The following NEDD9 variants were observed in gnomAD, a reference collection of about 807,000 sequenced individuals.
NEDD9 encodes enhancer of filamentation 1.
NEDD9 carries 26 observed loss-of-function variants against 76.6 expected under a neutral mutation model. That is an observed-to-expected ratio of 0.34 (90% CI 0.25 to 0.47). The LOEUF is 0.47. NEDD9 is among the 20% of genes least tolerant of loss of function. The pLI is 1.00. For synonymous variants in NEDD9, 392 were observed against 414.2 expected, an observed-to-expected ratio of 0.95 and a Z score of 0.65; for missense variants, 937 against 1,058.5, an observed-to-expected ratio of 0.89 and a Z score of 1.59.
intron 1 of NEDD9, among the ~76,000 whole-genome samples, chr6:11,359,366 G>T (rs936385687): frequency 1.7e-4 from 26 of 152,222 alleles, no homozygotes; most frequent in African/African-American, 5.5e-4. Flanking sequence ...TGCCATATTT[G>T]GATTTCTCTG....
intron 1 of NEDD9, among the ~76,000 whole-genome samples, chr6:11,379,248 T>C (rs1763020921): frequency 6.6e-6 from 1 of 151,340 alleles, no homozygotes. Flanking sequence ...GTTTGCCATA[T>C]TCTGTGTGCT....
intron 1 of NEDD9, among the ~76,000 whole-genome samples, chr6:11,344,355 G>A (rs1762328215): frequency 6.6e-6 from 1 of 152,174 alleles, no homozygotes; most frequent in African/African-American, 2.4e-5. Flanking sequence ...GGAGAAAGAG[G>A]GCACCTTCAA....
At chr6:11,289,002 G>A (rs1760707676) in intron 3 of NEDD9, among the ~76,000 whole-genome samples, 1 of 152,218 alleles carries the variant, frequency 6.6e-6, no homozygotes, top group Non-Finnish European at 1.5e-5. Context: ...TTATGTCCAA[G>A]TCCTTTGGAG....
intron 2 of NEDD9, among the ~76,000 whole-genome samples, chr6:11,329,052 A>C (rs562162760): frequency 4.3e-4 from 66 of 152,332 alleles, no homozygotes; most frequent in Non-Finnish European, 8.2e-4. Flanking sequence ...ATGGTGAGGC[A>C]CAAGCATGAC....
chr6:11,189,869 C>G (rs1758086277), intron 5 of NEDD9, 95 bp downstream of exon 5: 5 of 1,408,628 alleles, frequency 3.5e-6, no homozygotes, highest in South Asian at 3.0e-5. Flanking sequence ...TATGTTCTCT[C>G]CTTTGGCAGT....
intron 2 of NEDD9, among the ~76,000 whole-genome samples, chr6:11,319,526 TCACACTAACATGCGGACA>T (rs1417881704): frequency 2.5e-5 from 3 of 118,814 alleles, no homozygotes; most frequent in Admixed American, 2.0e-4. Context: ...ACATGCACAC[TCACACTAACATGCGGACA>T]CACACTAACA....
chr6:11,343,315 G>A (rs769970237), intron 1 of NEDD9, among the ~76,000 whole-genome samples: 71 of 152,038 alleles, frequency 4.7e-4, no homozygotes, highest in Non-Finnish European at 7.2e-4. Flanking sequence ...TGTAATCCCA[G>A]CTACTCAGGA....
At chr6:11,299,406 AT>A (rs1760983420) in intron 3 of NEDD9, among the ~76,000 whole-genome samples, 1 of 152,242 alleles carries the variant, frequency 6.6e-6, no homozygotes, top group Non-Finnish European at 1.5e-5. Context: ...ACTTCTACAG[AT>A]TCCACCTCTG....
chr6:11,208,390 G>T (rs192284038), intron 2 of NEDD9, among the ~76,000 whole-genome samples: 1 of 152,290 alleles, frequency 6.6e-6, no homozygotes, highest in African/African-American at 2.4e-5. Flanking sequence ...GTCCTTCAGC[G>T]AGGGAAATGA....
At chr6:11,340,497 A>G (rs1483956682) in intron 1 of NEDD9, among the ~76,000 whole-genome samples, 1 of 152,220 alleles carries the variant, frequency 6.6e-6, no homozygotes, top group Non-Finnish European at 1.5e-5. Flanking sequence ...TAATCGTCAT[A>G]ATATCTTTTA....
intron 1 of NEDD9, among the ~76,000 whole-genome samples, chr6:11,215,487 A>T (rs979889501): frequency 6.6e-6 from 1 of 152,196 alleles, no homozygotes; most frequent in African/African-American, 2.4e-5. Context: ...CCATTTAAGG[A>T]TGGTGTCATA....
intron 1 of NEDD9, among the ~76,000 whole-genome samples, chr6:11,373,757 T>C (rs1762922164): frequency 6.6e-6 from 1 of 152,250 alleles, no homozygotes; most frequent in Admixed American, 6.5e-5. Flanking sequence ...TCAAACATTC[T>C]TCTGGATGTC....
At chr6:11,249,004 A>C (rs1234971336) in intron 3 of NEDD9, 5 of 412,770 alleles carry the variant, frequency 1.2e-5, no homozygotes, top group Non-Finnish European at 2.0e-5. Flanking sequence ...AGCTATTCAT[A>C]TGCCAGTGAC....
chr6:11,300,424 G>A (rs1761018557), intron 3 of NEDD9, among the ~76,000 whole-genome samples: 1 of 152,196 alleles, frequency 6.6e-6, no homozygotes, highest in Non-Finnish European at 1.5e-5. Flanking sequence ...ATGGAATCAA[G>A]TTGGAAAACA....
chr6:11,293,955 A>G (rs1406795293), intron 3 of NEDD9, among the ~76,000 whole-genome samples: 4 of 152,070 alleles, frequency 2.6e-5, no homozygotes, highest in African/African-American at 9.7e-5. Context: ...ACATTGTCAC[A>G]AATGACAGGA....
intron 2 of NEDD9, among the ~76,000 whole-genome samples, chr6:11,308,672 A>T (rs1247798759): frequency 6.6e-6 from 1 of 152,048 alleles, no homozygotes; most frequent in Non-Finnish European, 1.5e-5. Context: ...CCCGGCCGGG[A>T]CATCTTTTAT....
intron 3 of NEDD9, among the ~76,000 whole-genome samples, chr6:11,269,769 ATC>A (rs1178533901): frequency 6.6e-6 from 1 of 152,200 alleles, no homozygotes; most frequent in Non-Finnish European, 1.5e-5. Flanking sequence ...CTGCAGAATA[ATC>A]TCTTACTTCC....
intron 1 of NEDD9, among the ~76,000 whole-genome samples, chr6:11,336,698 C>T (rs1582037287): frequency 6.6e-6 from 1 of 152,324 alleles, no homozygotes; most frequent in East Asian, 1.9e-4. Flanking sequence ...ATTTTTCTTA[C>T]TCCAATAATA....
At chr6:11,263,624 C>A (rs956833660) in intron 3 of NEDD9, among the ~76,000 whole-genome samples, 1 of 152,164 alleles carries the variant, frequency 6.6e-6, no homozygotes, top group African/African-American at 2.4e-5. Flanking sequence ...TTCGCCTTCC[C>A]AATTCACATT....
Sources: allele counts gnomAD v4.1 joint callset (sites outside exome capture counted in the v4.1 genomes callset), GRCh38; gene constraint gnomAD v4.1.1; transcripts MANE v1.5; gene names NCBI Gene and HGNC (gene_info 2026-07-23, HGNC 2026-07-21).